PKHD1: variants seen among roughly 807,000 people sequenced by gnomAD.
PKHD1 encodes fibrocystin.
Under a neutral mutation model 412.0 loss-of-function variants are expected in PKHD1, and 291 were observed. The observed-to-expected ratio is 0.71, with a 90% CI of 0.64 to 0.78. The LOEUF (loss-of-function observed/expected upper bound fraction) is 0.78, where lower values mean the gene tolerates loss of function less well. PKHD1 is among the 30% of genes least tolerant of loss of function. The probability of loss-of-function intolerance (pLI) is 0.00; values close to 1 mark genes in which losing one functional copy is unlikely to be tolerated. For missense variants in PKHD1, 4,825 were observed against 4,950.7 expected (o/e 0.97, Z 0.76); for synonymous variants, 1,777 against 1,821.5 (o/e 0.98, Z 0.62).
At chr6:51,952,346 G>T (rs1790481519) in intron 36 of PKHD1, among the ~76,000 whole-genome samples, 2 of 152,134 alleles carry the variant, frequency 1.3e-5, no homozygotes, top group Non-Finnish European at 1.5e-5. Flanking sequence ...TGATTATAGA[G>T]AAATTCTCAA....
chr6:52,042,761 G>T, intron 27 of PKHD1, 98 bp downstream of exon 27: 1 of 1,085,562 alleles, frequency 9.2e-7, no homozygotes, highest in Non-Finnish European at 1.4e-6. Flanking sequence ...GTGAGTCACA[G>T]TGAATATGGA....
chr6:51,771,746 G>A lies in PKHD1; in HGVS notation c.8642+956C>T, dbSNP rs180729042. ...TTTCTGTTCCCAAATTTTAAGTTTAGTTTAATCTCTTTATTTGAACACTGA... is the reference window on the plus strand; with the variant it reads ...TTTCTGTTCCCAAATTTTAAGTTTAATTTAATCTCTTTATTTGAACACTGA... On this transcript the variant is annotated intron_variant, in intron 55 of 66. Transcript: ENST00000371117. 7.8e-4 allele frequency among the ~76,000 whole-genome samples: 118 copies of A among 151,994 alleles called. 1 individual carries two copies. Among genetic ancestry groups the A allele is most frequent in the Non-Finnish European group, 1.3e-3 (87 of 67,952 alleles).
intron 60 of PKHD1, chr6:51,720,770 T>TGC (rs1373323858): frequency 1.7e-5 from 2 of 119,560 alleles, no homozygotes; most frequent in African/African-American, 5.6e-5. Context: ...TGTGTGTGTG[T>TGC]GTGTGTGTGT....
chr6:51,938,488 G>T (rs960719606), intron 36 of PKHD1, among the ~76,000 whole-genome samples: 1 of 119,066 alleles, frequency 8.4e-6, no homozygotes, highest in Non-Finnish European at 1.8e-5. Flanking sequence ...CACTGAGCAC[G>T]CTGTGACCCC....
chr6:51,750,180 A>AAC (rs1162339097), intron 57 of PKHD1, among the ~76,000 whole-genome samples: 2 of 152,182 alleles, frequency 1.3e-5, no homozygotes, highest in Non-Finnish European at 2.9e-5. Flanking sequence ...GGGGCCAGGC[A>AAC]ACAGGATTCC....
At chr6:52,045,868 T>C (rs1336309077) in intron 24 of PKHD1, 136 bp downstream of exon 24, 1 of 698,796 alleles carries the variant, frequency 1.4e-6, no homozygotes, top group African/African-American at 1.8e-5. Flanking sequence ...AGAAAGTTCA[T>C]AGAATCCCTT....
chr6:51,805,862 C>T (rs1384750282), intron 52 of PKHD1, among the ~76,000 whole-genome samples: 1 of 152,100 alleles, frequency 6.6e-6, no homozygotes, highest in Non-Finnish European at 1.5e-5. Flanking sequence ...TGTATATGTG[C>T]CACATTTTCT....
At chr6:51,805,121 A>C (rs964198656) in intron 52 of PKHD1, among the ~76,000 whole-genome samples, 1 of 152,216 alleles carries the variant, frequency 6.6e-6, no homozygotes, top group African/African-American at 2.4e-5. Context: ...AAGACATGGA[A>C]TCAACCTACC....
intron 52 of PKHD1, among the ~76,000 whole-genome samples, chr6:51,809,597 A>G (rs9382033): frequency 0.57 from 86,090 of 151,782 alleles, 24,791 homozygotes; most frequent in East Asian, 0.78. Context: ...TTGAATTTAT[A>G]AATCCATGTG....
chr6:51,693,194 T>A (rs1228169389), intron 60 of PKHD1, among the ~76,000 whole-genome samples: 1 of 152,214 alleles, frequency 6.6e-6, no homozygotes, highest in Non-Finnish European at 1.5e-5. Flanking sequence ...CCCAAAATCA[T>A]CATCTGTCCT....
intron 35 of PKHD1, among the ~76,000 whole-genome samples, chr6:51,976,155 A>G (rs1794412683): frequency 6.6e-6 from 1 of 152,102 alleles, no homozygotes; most frequent in Non-Finnish European, 1.5e-5. Context: ...TGCTCAAAAG[A>G]ATTGAAAGCA....
intron 60 of PKHD1, among the ~76,000 whole-genome samples, chr6:51,664,059 C>A (rs1773307608): frequency 6.6e-6 from 1 of 152,050 alleles, no homozygotes; most frequent in Non-Finnish European, 1.5e-5. Flanking sequence ...TAAAAAATGG[C>A]CTTTTAAAAT....
intron 53 of PKHD1, among the ~76,000 whole-genome samples, chr6:51,778,845 A>G (rs1791500426): frequency 1.3e-5 from 2 of 152,122 alleles, no homozygotes; most frequent in African/African-American, 4.8e-5. Flanking sequence ...GCCAACCCGT[A>G]AGAAATTATT....
At chr6:51,660,970 C>T (rs370992109) in intron 60 of PKHD1, among the ~76,000 whole-genome samples, 2 of 152,094 alleles carry the variant, frequency 1.3e-5, no homozygotes, top group African/African-American at 2.4e-5. Flanking sequence ...CCTCTAGTCA[C>T]GTGATTGGTT....
intron 26 of PKHD1, 79 bp downstream of exon 26, chr6:52,043,546 C>A: frequency 1.0e-6 from 1 of 957,864 alleles, no homozygotes. Context: ...ACCCACCCAT[C>A]ACCAGCTACA....
chr6:51,985,707 C>A (rs1796119917), intron 35 of PKHD1, among the ~76,000 whole-genome samples: 1 of 152,108 alleles, frequency 6.6e-6, no homozygotes, highest in African/African-American at 2.4e-5. Flanking sequence ...CCAGCCTGGG[C>A]AACAGAGTGA....
intron 37 of PKHD1, among the ~76,000 whole-genome samples, chr6:51,923,488 G>A (rs1759776211): frequency 1.4e-5 from 2 of 148,006 alleles, no homozygotes; most frequent in South Asian, 4.3e-4. Flanking sequence ...GCTGACCCTA[G>A]TTAAAGACAG....
At chr6:51,899,830 A>G (rs1412224448) in intron 43 of PKHD1, among the ~76,000 whole-genome samples, 1 of 152,228 alleles carries the variant, frequency 6.6e-6, no homozygotes, top group South Asian at 2.1e-4. Flanking sequence ...CTCAGGATAC[A>G]ATATCAATGT....
In PKHD1 at chr6:52,025,593, A is replaced by G. The variant is rs1562166222; in HGVS notation, c.4217T>C (p.Ile1406Thr). 2 of 1,614,166 alleles carry G rather than the reference A, an allele frequency of 1.2e-6. No homozygotes were observed. The highest frequency in any genetic ancestry group is 1.7e-6 in the Non-Finnish European group (2 of 1,180,032). ...AAGAAGCAACCCCCTCACAGTAAGT[A>G]TGGTCCCACCACATGCCGAACCCTG... ...PSQGSACGGT[I>T]LTVRGLLLNS... Residue 1406 changes from isoleucine (I) to threonine (T), a missense_variant, in exon 32 of 67, where the codon ATA (isoleucine) becomes ACA (threonine). By Grantham distance (89) the Ile-to-Thr change is moderately conservative (BLOSUM62 -1). Coordinates refer to ENST00000371117, the MANE Select transcript of PKHD1 (RefSeq NM_138694.4).
Sources: allele counts gnomAD v4.1 joint callset (sites outside exome capture counted in the v4.1 genomes callset), GRCh38; gene constraint gnomAD v4.1.1; transcripts MANE v1.5; gene names NCBI Gene and HGNC (gene_info 2026-07-23, HGNC 2026-07-21).